Variants in SCN9A observed in about 807,000 individuals in gnomAD.
The protein encoded by SCN9A is sodium voltage-gated channel alpha subunit 9, also known as sodium channel protein type 9 subunit alpha.
In SCN9A, 131 loss-of-function variants were observed where a neutral mutation model predicts 187.0. The ratio of observed to expected loss-of-function variants is 0.70; its 90% confidence interval spans 0.61 to 0.81. The LOEUF (loss-of-function observed/expected upper bound fraction) is 0.81. Ranked by LOEUF, SCN9A falls within the 30% of genes least tolerant of loss-of-function variation. The pLI is 0.00. For synonymous variants in SCN9A, 809 were observed against 808.6 expected (o/e 1.00, Z -0.01); for missense variants, 2,252 against 2,396.6 (o/e 0.94, Z 1.26).
chr2:166,370,226 A>ATCATCATCATCATCATCATC (rs1553507717), intron 1 of SCN9A, among the ~76,000 whole-genome samples: 1 of 131,602 alleles, frequency 7.6e-6, no homozygotes, highest in African/African-American at 3.0e-5. Context: ...TAATAATAAT[A>ATCATCATCATCATCATCATC]ATAATAATAA....
chr2:166,208,113 T>A (rs768403203), intron 24 of SCN9A, among the ~76,000 whole-genome samples: 13 of 152,224 alleles, frequency 8.5e-5, no homozygotes, highest in Non-Finnish European at 1.6e-4. Flanking sequence ...ATAGCTTATT[T>A]AGGCCTTGTG....
intron 11 of SCN9A, among the ~76,000 whole-genome samples, chr2:166,285,645 G>A (rs73969658): frequency 0.041 from 6,296 of 152,174 alleles, 391 homozygotes; most frequent in African/African-American, 0.13. Context: ...GGAGAATCTT[G>A]TAGATTTTTA....
At chr2:166,242,271 T>C (rs1014409585) in intron 19 of SCN9A, among the ~76,000 whole-genome samples, 3 of 150,388 alleles carry the variant, frequency 2.0e-5, no homozygotes, top group Non-Finnish European at 4.4e-5. Context: ...TTTTCTATTA[T>C]AGCCATCTGG....
In SCN9A at chr2:166,284,434, C is replaced by T. The variant is rs768406491; in HGVS notation, c.1974+19G>A. 1.9e-6 allele frequency: 3 copies of T among 1,587,624 alleles called. No homozygotes were observed. The highest frequency in any genetic ancestry group is 1.3e-5 in the African/African-American group (1 of 74,412). On this transcript the variant is annotated intron_variant, in intron 12 of 26. Transcript: ENST00000642356. ...GAACAAGGGCCCAGCCATGCCTGAG[C>T]TATGTAAAACGTCCTTACGCTGTCA...
chr2:166,210,723 T>G (rs1256102131), intron 24 of SCN9A, among the ~76,000 whole-genome samples: 1 of 151,930 alleles, frequency 6.6e-6, no homozygotes, highest in Non-Finnish European at 1.5e-5. Flanking sequence ...GATATGAACA[T>G]CTAAATTCAG....
intron 24 of SCN9A, among the ~76,000 whole-genome samples, chr2:166,220,394 A>G (rs868003772): frequency 6.6e-6 from 1 of 152,204 alleles, no homozygotes; most frequent in Non-Finnish European, 1.5e-5. Context: ...TTTTAAATGC[A>G]TTAATGCTGT....
intron 2 of SCN9A, among the ~76,000 whole-genome samples, 197 bp from the exon 3 acceptor site, chr2:166,307,271 A>G (rs1698793558): frequency 6.6e-6 from 1 of 152,226 alleles, no homozygotes; most frequent in Admixed American, 6.5e-5. Flanking sequence ...CCACTTCTTC[A>G]TAGTAACTTT....
chr2:166,224,116 G>GA (rs1293384078), intron 24 of SCN9A, among the ~76,000 whole-genome samples: 3 of 152,128 alleles, frequency 2.0e-5, no homozygotes, highest in African/African-American at 2.4e-5. Flanking sequence ...GAAGATTAAA[G>GA]TCAATTGGAT....
At chr2:166,363,012 AG>A (rs2105318182) in intron 1 of SCN9A, among the ~76,000 whole-genome samples, 1 of 152,102 alleles carries the variant, frequency 6.6e-6, no homozygotes, top group Non-Finnish European at 1.5e-5. Flanking sequence ...CAGTGGGAAA[AG>A]GTATTGCCTA....
chr2:166,213,496 G>C (rs368613444), intron 24 of SCN9A, among the ~76,000 whole-genome samples: 1 of 96,282 alleles, frequency 1.0e-5, no homozygotes, highest in South Asian at 3.5e-4. Flanking sequence ...TAATAATAAT[G>C]ATAATGATAG....
intron 21 of SCN9A, among the ~76,000 whole-genome samples, chr2:166,229,445 C>T (rs1420593158): frequency 6.6e-6 from 1 of 151,970 alleles, no homozygotes; most frequent in Admixed American, 6.6e-5. Context: ...AAGATTCCCC[C>T]ATAGAGAAAC....
At chr2:166,363,598 A>G (rs1005658266) in intron 1 of SCN9A, among the ~76,000 whole-genome samples, 6 of 151,340 alleles carry the variant, frequency 4.0e-5, no homozygotes, top group African/African-American at 7.2e-5. Context: ...GTTCAGAGTA[A>G]GGCACATTCA....
Position 166,276,894 on chromosome 2 carries a change from TAATTATAA to T in SCN9A, c.2874+81_2874+88del, listed in dbSNP as rs1697257826. 4 of 964,036 alleles carry T rather than the reference TAATTATAA, an allele frequency of 4.1e-6. No homozygotes were observed. In the African/African-American group the frequency reaches 6.8e-5, roughly 16 times the overall value. 59.7% of individuals were successfully genotyped at this position (964,036 alleles called of 1,614,324 possible). On this transcript the variant is annotated intron_variant, in intron 16 of 26. Transcript: ENST00000642356. ...TGCAATTAATAATTGTAGATATAATTAATTATAAAATTATAAAAATAATAGATCACATC... is the reference window on the plus strand; with the variant it reads ...TGCAATTAATAATTGTAGATATAATTAATTATAAAAATAATAGATCACATC...
chr2:166,277,918 G>C (rs1697308746), intron 15 of SCN9A: 1 of 461,210 alleles, frequency 2.2e-6, no homozygotes, highest in Non-Finnish European at 3.7e-6. Context: ...ATATTAGCGT[G>C]TACTTCAAAT....
intron 24 of SCN9A, among the ~76,000 whole-genome samples, chr2:166,213,645 T>A (rs1430622624): frequency 1.3e-5 from 2 of 152,128 alleles, no homozygotes; most frequent in Admixed American, 6.6e-5. Context: ...GAAAGTCATT[T>A]TATGGGGCCA....
At chr2:166,360,790 T>C (rs1700265911) in intron 1 of SCN9A, among the ~76,000 whole-genome samples, 1 of 152,234 alleles carries the variant, frequency 6.6e-6, no homozygotes, top group African/African-American at 2.4e-5. Context: ...GCAAGATTAT[T>C]ATCCTTCTTC....
At chr2:166,357,815 T>C (rs1030007409) in intron 1 of SCN9A, among the ~76,000 whole-genome samples, 13 of 152,086 alleles carry the variant, frequency 8.5e-5, no homozygotes, top group African/African-American at 1.4e-4. Context: ...ATGCTCACTT[T>C]CCCATTTCTT....
At chr2:166,349,229 C>A (rs1699975460) in intron 1 of SCN9A, among the ~76,000 whole-genome samples, 1 of 152,172 alleles carries the variant, frequency 6.6e-6, no homozygotes. Flanking sequence ...TCTTTCTACT[C>A]CCATATTTAG....
At position 166,293,378 on chromosome 2, in the gene SCN9A, C is replaced by G; in HGVS notation, c.966-6G>C. The G allele has an allele frequency of 6.2e-7, 1 of 1,600,366 alleles. No homozygotes were observed. Among genetic ancestry groups the G allele is most frequent in the Non-Finnish European group, 8.5e-7 (1 of 1,172,706 alleles). On this transcript the variant is annotated splice_region_variant and splice_polypyrimidine_tract_variant and intron_variant, in intron 8 of 26. Coordinates refer to ENST00000642356, the MANE Select transcript of SCN9A (RefSeq NM_001365536.1). ...TGTACCCCTCTGGACACTGACTACA[C>G]ACGAGAAAGAACATTATAGGTGAGA...
Sources: allele counts gnomAD v4.1 joint callset (sites outside exome capture counted in the v4.1 genomes callset), GRCh38; gene constraint gnomAD v4.1.1; transcripts MANE v1.5; gene names NCBI Gene and HGNC (gene_info 2026-07-23, HGNC 2026-07-21).